The following RPS6KA3 variants were observed in gnomAD, a reference collection of about 807,000 sequenced individuals.
RPS6KA3 encodes the protein ribosomal protein S6 kinase alpha-3.
RPS6KA3 carries 4 observed loss-of-function variants against 67.2 expected under a neutral mutation model. That is an observed-to-expected ratio of 0.06 (90% CI 0.03 to 0.14). RPS6KA3 has a LOEUF of 0.14. Among genes scored for constraint, RPS6KA3 ranks in the 10% least tolerant of loss-of-function variants. The pLI is 1.00. For synonymous variants in RPS6KA3, 182 were observed against 183.7 expected (o/e 0.99, Z 0.07); for missense variants, 204 against 559.0 (o/e 0.36, Z 6.40).
At chrX:20,251,617 T>C (rs1054211504) in intron 1 of RPS6KA3, among the ~76,000 whole-genome samples, 1 of 113,248 alleles carries the variant, frequency 8.8e-6, no homozygotes, top group African/African-American at 3.2e-5. Context: ...AAGTTTGATA[T>C]TTTACTTTTT....
At chrX:20,237,028 G>T in intron 1 of RPS6KA3, among the ~76,000 whole-genome samples, 1 of 111,557 alleles carries the variant, frequency 9.0e-6, no homozygotes, top group South Asian at 3.7e-4. Flanking sequence ...TTCTTCATAT[G>T]GAAAATGAAG....
At chrX:20,165,643 C>T (rs977289826) in intron 17 of RPS6KA3, among the ~76,000 whole-genome samples, 7 of 111,688 alleles carry the variant, frequency 6.3e-5, no homozygotes, top group African/African-American at 2.0e-4. Context: ...AGGAACAGCA[C>T]GTACAAGATA....
At chrX:20,187,184 T>C (rs2148684875) in intron 9 of RPS6KA3, among the ~76,000 whole-genome samples, 1 of 111,675 alleles carries the variant, frequency 9.0e-6, no homozygotes, top group East Asian at 2.8e-4. Context: ...CCCAAAGTGC[T>C]GGGATTACAG....
At chrX:20,179,820 G>A (rs1438395070) in intron 10 of RPS6KA3, among the ~76,000 whole-genome samples, 1 of 111,506 alleles carries the variant, frequency 9.0e-6, no homozygotes, top group Non-Finnish European at 1.9e-5. Context: ...CTGGTGCATA[G>A]TGGCTCATGC....
chrX:20,162,438 T>C (rs1420325704), intron 19 of RPS6KA3, among the ~76,000 whole-genome samples: 1 of 106,916 alleles, frequency 9.4e-6, no homozygotes, highest in Non-Finnish European at 1.9e-5. Flanking sequence ...TAGCACATTA[T>C]AAAAAATCAG....
intron 10 of RPS6KA3, among the ~76,000 whole-genome samples, chrX:20,179,061 G>T (rs1454169829): frequency 9.0e-6 from 1 of 111,073 alleles, no homozygotes; most frequent in Non-Finnish European, 1.9e-5. Flanking sequence ...AATACTTTAA[G>T]CAGTTTAATT....
intron 1 of RPS6KA3, among the ~76,000 whole-genome samples, chrX:20,262,574 A>G (rs942533664): frequency 8.0e-5 from 9 of 111,954 alleles, no homozygotes; most frequent in Non-Finnish European, 1.7e-4. Context: ...TCAAGCTGCC[A>G]AAATAAAGCA....
rs367780783 is a variant in RPS6KA3 at position 20,176,117 on chromosome X, C to T, written c.1102+133G>A. 440 of 492,200 alleles carry T rather than the reference C, an allele frequency of 8.9e-4. 2 individuals carry two copies. In the South Asian group the frequency reaches 0.011, roughly 13 times the overall value. 40.6% of individuals were successfully genotyped at this position (492,200 alleles called of 1,213,427 possible). On this transcript the variant is annotated intron_variant, in intron 13 of 21. Transcript: ENST00000379565. ...AACTCCTGGCCTCAAGCGATCTGCT[C>T]GCCTCAGCCTCCCAAAGTGCTGGGA... is the stretch of plus-strand genomic sequence containing the variant.
intron 7 of RPS6KA3, among the ~76,000 whole-genome samples, chrX:20,192,251 T>C (rs1019828990): frequency 9.0e-6 from 1 of 111,637 alleles, no homozygotes; most frequent in African/African-American, 3.3e-5. Context: ...TCTTGATGAC[T>C]GTTACTATCA....
At chrX:20,255,460 G>A (rs1026465959) in intron 1 of RPS6KA3, among the ~76,000 whole-genome samples, 1 of 111,649 alleles carries the variant, frequency 9.0e-6, no homozygotes, top group African/African-American at 3.3e-5. Context: ...CATATACAAG[G>A]GTGAATTTTA....
intron 4 of RPS6KA3, among the ~76,000 whole-genome samples, chrX:20,196,299 T>C: frequency 8.8e-6 from 1 of 113,332 alleles, no homozygotes; most frequent in South Asian, 3.6e-4. Flanking sequence ...AATTTATATT[T>C]GACCCTGTGA....
At chrX:20,228,209 G>T (rs2069170580) in intron 2 of RPS6KA3, among the ~76,000 whole-genome samples, 1 of 111,867 alleles carries the variant, frequency 8.9e-6, no homozygotes. Context: ...TATACTGGAA[G>T]ACTTCCTCAA....
chrX:20,193,535 T>C lies in RPS6KA3; in HGVS notation c.545A>G (p.Asp182Gly). The C allele has an allele frequency of 8.3e-7, 1 of 1,202,036 alleles. No individual in the cohort carries two copies. Among genetic ancestry groups the C allele is most frequent in the Non-Finnish European group, 1.1e-6 (1 of 886,949 alleles). The change falls in exon 7 of 22, where the codon GAC (aspartate) becomes GGC (glycine). Residue 182 changes from aspartate to glycine, a missense_variant. Transcript: ENST00000379565. Reference sequence around the variant, plus strand: ...AATTATTCCCAGGCTATGTAGATGGTCTAAAGCAAGTGCAAGTTCAGCCAA... The same window carrying C: ...AATTATTCCCAGGCTATGTAGATGGCCTAAAGCAAGTGCAAGTTCAGCCAA... Reference protein sequence around the residue: ...FYLAELALALDHLHSLGIIYR... With the variant: ...FYLAELALALGHLHSLGIIYR...
chrX:20,172,905 T>C, intron 14 of RPS6KA3, 34 bp from the exon 15 acceptor site: 1 of 1,178,737 alleles, frequency 8.5e-7, no homozygotes, highest in South Asian at 1.8e-5. Context: ...AAGAGTCCCA[T>C]AATGCCTTTA....
intron 2 of RPS6KA3, among the ~76,000 whole-genome samples, chrX:20,223,763 T>C (rs989137140): frequency 1.8e-5 from 2 of 112,071 alleles, no homozygotes; most frequent in African/African-American, 6.5e-5. Context: ...TCTGTAAATA[T>C]TTGGGTTGTT....
rs1412174486 is a variant in RPS6KA3 at position 20,151,820 on chromosome X, A to T, written c.*3578T>A. 1 of 111,974 alleles carries T rather than the reference A, an allele frequency of 8.9e-6. No homozygotes were observed. Among genetic ancestry groups the T allele is most frequent in the Non-Finnish European group, 1.9e-5 (1 of 53,226 alleles). 9.2% of individuals were successfully genotyped at this position (111,974 alleles called of 1,213,427 possible). On this transcript the variant is annotated 3_prime_UTR_variant, in exon 22 of 22. Coordinates refer to ENST00000379565, the MANE Select transcript of RPS6KA3 (RefSeq NM_004586.3). ...AAGCGCATCCATAGCAAGGCCTGCA[A>T]ATCTTGAATGCTTTTCTGCTCTCAT... is the stretch of plus-strand genomic sequence containing the variant.
intron 2 of RPS6KA3, among the ~76,000 whole-genome samples, chrX:20,219,178 C>T (rs1431990828): frequency 8.9e-6 from 1 of 111,979 alleles, no homozygotes; most frequent in Non-Finnish European, 1.9e-5. Flanking sequence ...GTGAAACAAA[C>T]GTTATTATTT....
intron 1 of RPS6KA3, among the ~76,000 whole-genome samples, chrX:20,249,823 A>C (rs1167908754): frequency 1.8e-5 from 2 of 112,275 alleles, no homozygotes; most frequent in Non-Finnish European, 3.8e-5. Flanking sequence ...CTCAGGTTTA[A>C]ATGCTTCATT....
intron 10 of RPS6KA3, among the ~76,000 whole-genome samples, chrX:20,182,923 A>G (rs2067880631): frequency 9.0e-6 from 1 of 111,724 alleles, no homozygotes; most frequent in Admixed American, 9.5e-5. Context: ...GTCTGGGCCA[A>G]AAATGGTTCA....
Sources: gnomAD v4.1 joint callset for allele counts (sites outside exome capture counted in the v4.1 genomes callset) on GRCh38, gnomAD v4.1.1 for gene constraint, MANE v1.5 for transcripts, NCBI Gene and HGNC (gene_info 2026-07-23, HGNC 2026-07-21) for gene names.